RGS22: variants seen among roughly 807,000 people sequenced by gnomAD.
RGS22 encodes the protein regulator of G protein signaling 22.
A neutral mutation model predicts 172.9 loss-of-function variants in RGS22; 148 were observed. That is an observed-to-expected ratio of 0.86 (90% confidence interval 0.75 to 0.98). The LOEUF is 0.98. Among genes scored for constraint, RGS22 ranks in the 50% least tolerant of loss-of-function variants. RGS22 has a pLI of 0.00. For synonymous variants in RGS22, 458 were observed against 480.2 expected, an observed-to-expected ratio of 0.95 and a Z score of 0.60; for missense variants, 1,347 against 1,440.8, an observed-to-expected ratio of 0.93 and a Z score of 1.05.
chr8:100,003,960 G>T lies in RGS22; in HGVS notation c.2593C>A (p.His865Asn). 6.2e-7 allele frequency: 1 copy of T among 1,609,654 alleles called. No individual in the cohort carries two copies. The highest frequency in any genetic ancestry group is 8.5e-7 in the Non-Finnish European group (1 of 1,177,580). The change falls in exon 17 of 28, where the codon CAT (histidine) becomes AAT (asparagine). Residue 865 changes from histidine (H) to asparagine (N), a missense_variant. Transcript: ENST00000360863. ...DLLNNKLEFEHFRQFLETHSS... is the reference protein window; with the variant it reads ...DLLNNKLEFENFRQFLETHSS... ...TGAGTCTCAAGAAACTGACGGAAATGTTCAAACTCCAGTTTGTTGTTAAGC... is the reference window on the plus strand; with the variant it reads ...TGAGTCTCAAGAAACTGACGGAAATTTTCAAACTCCAGTTTGTTGTTAAGC...
intron 14 of RGS22, among the ~76,000 whole-genome samples, chr8:100,023,529 G>A (rs1187872202): frequency 6.6e-6 from 1 of 152,178 alleles, no homozygotes; most frequent in African/African-American, 2.4e-5. Context: ...CAATTCCTGG[G>A]CTCAAGTGAT....
intron 23 of RGS22, among the ~76,000 whole-genome samples, chr8:99,977,039 T>C (rs1385252021): frequency 6.6e-6 from 1 of 152,126 alleles, no homozygotes; most frequent in Admixed American, 6.6e-5. Context: ...AACGGACAGA[T>C]AGTAGACAAA....
chr8:100,046,133 G>A (rs1820692582), intron 11 of RGS22: 1 of 152,030 alleles, frequency 6.6e-6, no homozygotes, highest in Admixed American at 6.6e-5. Flanking sequence ...CAAAACAAGT[G>A]TATAGCATGC....
rs543843311 is a variant in RGS22 at position 100,056,452 on chromosome 8, C to A, written c.1515-3476G>T. 1.7e-4 allele frequency among the ~76,000 whole-genome samples: 26 copies of A among 152,280 alleles called. No individual in the cohort carries two copies. In the East Asian group the frequency reaches 5.0e-3, roughly 29 times the overall value. On this transcript the variant is annotated intron_variant, in intron 9 of 27. Coordinates refer to ENST00000360863, the MANE Select transcript of RGS22 (RefSeq NM_015668.5). Reference sequence around the variant, plus strand: ...AAATGTCTCCAGGGCATGTCAGAGACCTTCACGGCAGCCCCTCCCATCATA... The same window carrying A: ...AAATGTCTCCAGGGCATGTCAGAGAACTTCACGGCAGCCCCTCCCATCATA...
intron 10 of RGS22, among the ~76,000 whole-genome samples, chr8:100,050,623 A>G (rs1391145881): frequency 6.6e-6 from 1 of 152,196 alleles, no homozygotes; most frequent in Non-Finnish European, 1.5e-5. Flanking sequence ...AAGGGCTACT[A>G]TGATTAATAA....
At chr8:100,062,357 G>C (rs1390201136) in intron 9 of RGS22, among the ~76,000 whole-genome samples, 1 of 147,666 alleles carries the variant, frequency 6.8e-6, no homozygotes, top group African/African-American at 2.5e-5. Context: ...AAAAAAAAAA[G>C]AATATGCTCA....
At chr8:100,070,564 G>A (rs1322825160) in intron 6 of RGS22, among the ~76,000 whole-genome samples, 1 of 152,044 alleles carries the variant, frequency 6.6e-6, no homozygotes, top group Non-Finnish European at 1.5e-5. Flanking sequence ...GTTTTCCTGG[G>A]TTTTGGGTAT....
At chr8:100,074,306 C>T (rs887567130) in intron 4 of RGS22, among the ~76,000 whole-genome samples, 3 of 152,092 alleles carry the variant, frequency 2.0e-5, no homozygotes, top group African/African-American at 7.2e-5. Flanking sequence ...CAGTGAAATC[C>T]ACCCTTTTTA....
chr8:100,106,001 G>C lies in RGS22; in HGVS notation c.-80C>G. The C allele has an allele frequency of 8.2e-7, 1 of 1,213,814 alleles. No individual in the cohort carries two copies. Among genetic ancestry groups the C allele is most frequent in the African/African-American group, 1.6e-5 (1 of 63,136 alleles). The allele number at this position is 1,213,814 out of a possible 1,614,324, so 75.2% of individuals were successfully genotyped here. A position where few individuals can be genotyped will look rare whatever the true frequency, so the allele number is the denominator to read the frequency against. On this transcript the variant is annotated 5_prime_UTR_variant, in exon 1 of 28. Coordinates refer to ENST00000360863, the MANE Select transcript of RGS22 (RefSeq NM_015668.5). ...GCGGGTCCAGCGCGGGTCAGGGCCT[G>C]AGCGACGCGGCGACGGCGCGCGGGC...
chr8:99,994,672 A>C (rs1440140757), intron 20 of RGS22, among the ~76,000 whole-genome samples: 2 of 152,228 alleles, frequency 1.3e-5, no homozygotes, highest in African/African-American at 4.8e-5. Flanking sequence ...CAATATTGTG[A>C]AAATGGCCAT....
chr8:100,001,523 C>T (rs1181715651), intron 18 of RGS22, among the ~76,000 whole-genome samples: 1 of 151,910 alleles, frequency 6.6e-6, no homozygotes, highest in Non-Finnish European at 1.5e-5. Flanking sequence ...CGTAAGCCAC[C>T]ACGCCCAGCC....
chr8:99,962,410 G>A lies in RGS22; in HGVS notation c.*29C>T, dbSNP rs556135154. The A allele has an allele frequency of 6.2e-7, 1 of 1,612,386 alleles. No homozygotes were observed. Among genetic ancestry groups the A allele is most frequent in the Non-Finnish European group, 8.5e-7 (1 of 1,178,602 alleles). On this transcript the variant is annotated 3_prime_UTR_variant, in exon 27 of 28. Transcript: ENST00000360863. ...ATGACGTACCTTGAACCTATCAGCA[G>A]CAGGATGTAAACATTCACAAGAATG...
chr8:99,962,356 CAT>C (rs1414108792), intron 27 of RGS22, 36 bp downstream of exon 27: 37 of 1,322,266 alleles, frequency 2.8e-5, no homozygotes, highest in Non-Finnish European at 3.8e-5. Flanking sequence ...ATTACGAGGA[CAT>C]GTGTGGGACC....
chr8:100,084,675 C>T (rs1199769097), intron 3 of RGS22, among the ~76,000 whole-genome samples: 4 of 152,174 alleles, frequency 2.6e-5, no homozygotes, highest in Non-Finnish European at 5.9e-5. Flanking sequence ...CTTAAAAGCA[C>T]TATGATTCTA....
intron 3 of RGS22, among the ~76,000 whole-genome samples, chr8:100,084,947 A>G (rs1272088399): frequency 6.6e-6 from 1 of 152,258 alleles, no homozygotes; most frequent in Non-Finnish European, 1.5e-5. Context: ...CCCAGTGACA[A>G]GGGTAGTAAT....
chr8:100,091,741 G>C (rs1812597192), intron 3 of RGS22: 1 of 152,126 alleles, frequency 6.6e-6, no homozygotes. Flanking sequence ...AAATGTACTT[G>C]TTTTGGAGGG....
intron 2 of RGS22, among the ~76,000 whole-genome samples, chr8:100,097,785 T>C (rs897855677): frequency 1.2e-4 from 18 of 152,228 alleles, no homozygotes; most frequent in Admixed American, 9.2e-4. Context: ...TTCACCGTAC[T>C]GTCCATCATA....
At chr8:100,030,846 C>T (rs1319183004) in intron 14 of RGS22, among the ~76,000 whole-genome samples, 2 of 152,010 alleles carry the variant, frequency 1.3e-5, no homozygotes, top group Non-Finnish European at 2.9e-5. Flanking sequence ...AAAGCAATAG[C>T]AAGCAAGAAA....
At position 100,088,288 on chromosome 8, in the gene RGS22, G is replaced by A. The variant is rs1424659549; in HGVS notation, c.117+5159C>T. ...CATGACATACCTATCCTTGCGAGGA[G>A]GGTATAGAACAGGCCACCCCTTCAG... On this transcript the variant is annotated intron_variant, in intron 3 of 27. Coordinates refer to ENST00000360863, the MANE Select transcript of RGS22 (RefSeq NM_015668.5). Among the ~76,000 whole-genome samples, 3 of 152,104 alleles carry A rather than the reference G, an allele frequency of 2.0e-5. No individual in the cohort carries two copies. The East Asian group carries it at 5.8e-4, about 29-fold the overall frequency.
Sources: gnomAD v4.1 joint callset for allele counts (sites outside exome capture counted in the v4.1 genomes callset) on GRCh38, gnomAD v4.1.1 for gene constraint, MANE v1.5 for transcripts, NCBI Gene and HGNC (gene_info 2026-07-23, HGNC 2026-07-21) for gene names.